Variants in PAN3 observed in about 807,000 individuals in gnomAD.
PAN3 encodes poly(A) specific ribonuclease subunit PAN3.
A neutral mutation model predicts 96.2 loss-of-function variants in PAN3; 19 were observed. That is an observed-to-expected ratio of 0.20 (90% CI 0.14 to 0.29). The LOEUF is 0.29. Ranked by LOEUF, PAN3 falls within the 10% of genes least tolerant of loss-of-function variation. The pLI is 1.00. For missense variants in PAN3, 882 were observed against 1,108.1 expected (o/e 0.80, Z 2.90); for synonymous variants, 433 against 406.6 (o/e 1.06, Z -0.78).
Position 28,281,496 on chromosome 13 carries a change from C to A in PAN3, c.2384+117C>A. 3.2e-6 allele frequency: 3 copies of A among 943,998 alleles called. 1 individual carries two copies. Among genetic ancestry groups the A allele is most frequent in the South Asian group, 3.1e-5 (2 of 64,320 alleles). The allele number at this position is 943,998 out of a possible 1,614,324, so 58.5% of individuals were successfully genotyped here. On this transcript the variant is annotated intron_variant, in intron 17 of 18. Coordinates refer to ENST00000380958, the MANE Select transcript of PAN3 (RefSeq NM_175854.8). ...GAGAAAAATTCTCATGTGAAGTGAC[C>A]TTAAGATTGTGTTAGCTGTTAAGGT...
At chr13:28,264,904 C>T (rs1886031630) in intron 9 of PAN3, among the ~76,000 whole-genome samples, 1 of 152,122 alleles carries the variant, frequency 6.6e-6, no homozygotes, top group South Asian at 2.1e-4. Context: ...AGTGCCATAG[C>T]GAATTGTACT....
chr13:28,169,581 C>T (rs1874036695), intron 1 of PAN3, among the ~76,000 whole-genome samples: 1 of 151,580 alleles, frequency 6.6e-6, no homozygotes. Flanking sequence ...TGTGCCTGTT[C>T]TTGGTAATTA....
At chr13:28,254,908 G>T (rs1385456372) in intron 6 of PAN3, among the ~76,000 whole-genome samples, 2 of 152,088 alleles carry the variant, frequency 1.3e-5, no homozygotes, top group Admixed American at 6.5e-5. Context: ...GGTGTTTATA[G>T]CCTGATTTAC....
intron 17 of PAN3, among the ~76,000 whole-genome samples, chr13:28,281,766 C>CTTTTTTTTTTTTTTTT (rs10707261): frequency 8.7e-6 from 1 of 114,958 alleles, no homozygotes; most frequent in Non-Finnish European, 1.8e-5. Flanking sequence ...TTAAAGCACA[C>CTTTTTTTTTTTTTTTT]TTTTTTTTTT....
chr13:28,221,868 T>A (rs1015581096), intron 6 of PAN3, among the ~76,000 whole-genome samples: 2 of 152,204 alleles, frequency 1.3e-5, no homozygotes, highest in African/African-American at 4.8e-5. Context: ...TTCACATTGT[T>A]TACATGAGCA....
At chr13:28,202,904 C>A (rs1878909154) in intron 5 of PAN3, among the ~76,000 whole-genome samples, 1 of 152,026 alleles carries the variant, frequency 6.6e-6, no homozygotes, top group Non-Finnish European at 1.5e-5. Context: ...ACTTTTGCAC[C>A]AACCCAGTAT....
intron 4 of PAN3, among the ~76,000 whole-genome samples, chr13:28,190,772 C>T (rs574913138): frequency 4.6e-5 from 7 of 152,096 alleles, no homozygotes; most frequent in South Asian, 4.1e-4. Context: ...GAGAATAGCA[C>T]GGGGGAAACC....
At chr13:28,177,717 A>G (rs1875218071) in intron 3 of PAN3, 148 bp from the exon 4 acceptor site, 1 of 649,148 alleles carries the variant, frequency 1.5e-6, no homozygotes, top group African/African-American at 1.8e-5. Flanking sequence ...TTATTTGCTC[A>G]GAAAATATTT....
At chr13:28,253,899 C>A (rs1014883911) in intron 6 of PAN3, among the ~76,000 whole-genome samples, 1 of 152,068 alleles carries the variant, frequency 6.6e-6, no homozygotes, top group Non-Finnish European at 1.5e-5. Flanking sequence ...CTCTTGATAC[C>A]CTATAGTAAA....
intron 4 of PAN3, among the ~76,000 whole-genome samples, chr13:28,189,636 G>C (rs1876969622): frequency 6.6e-6 from 1 of 152,004 alleles, no homozygotes; most frequent in African/African-American, 2.4e-5. Flanking sequence ...TTTTCATTTT[G>C]AGGAGTGACT....
intron 17 of PAN3, among the ~76,000 whole-genome samples, 194 bp downstream of exon 17, chr13:28,281,573 A>T (rs1566258121): frequency 1.3e-5 from 2 of 152,172 alleles, no homozygotes; most frequent in African/African-American, 2.4e-5. Flanking sequence ...TTTTACACAC[A>T]TGTATACACA....
At chr13:28,157,619 AAAAT>A (rs1235746429) in intron 1 of PAN3, among the ~76,000 whole-genome samples, 1 of 152,192 alleles carries the variant, frequency 6.6e-6, no homozygotes, top group East Asian at 1.9e-4. Flanking sequence ...ATAGCCGTGA[AAAAT>A]AAAATACCTA....
intron 12 of PAN3, 124 bp from the exon 13 acceptor site, chr13:28,270,577 A>G (rs1184755618): frequency 2.1e-6 from 2 of 965,298 alleles, no homozygotes; most frequent in Admixed American, 2.7e-5. Context: ...ATACACACAC[A>G]TATATAAATT....
At chr13:28,140,236 G>A (rs193104080) in intron 1 of PAN3, among the ~76,000 whole-genome samples, 1 of 152,276 alleles carries the variant, frequency 6.6e-6, no homozygotes, top group African/African-American at 2.4e-5. Context: ...TTGACCTGAA[G>A]CTTGTTAGTT....
intron 6 of PAN3, among the ~76,000 whole-genome samples, chr13:28,234,445 G>A (rs1882891338): frequency 6.6e-6 from 1 of 152,066 alleles, no homozygotes; most frequent in South Asian, 2.1e-4. Context: ...GATACTATTG[G>A]TGTGCATGTG....
chr13:28,212,758 T>C (rs537769023), intron 5 of PAN3, among the ~76,000 whole-genome samples: 6 of 152,296 alleles, frequency 3.9e-5, no homozygotes, highest in Admixed American at 1.3e-4. Context: ...TTTAGTGAAC[T>C]TGAAGGCATA....
intron 1 of PAN3, among the ~76,000 whole-genome samples, chr13:28,157,617 GAAAAATA>G (rs1872366697): frequency 6.6e-6 from 1 of 151,960 alleles, no homozygotes. Flanking sequence ...CAATAGCCGT[GAAAAATA>G]AAATACCTAG....
At chr13:28,206,498 A>G (rs889812854) in intron 5 of PAN3, among the ~76,000 whole-genome samples, 3 of 151,200 alleles carry the variant, frequency 2.0e-5, no homozygotes, top group Non-Finnish European at 4.4e-5. Flanking sequence ...AATTTTGTAT[A>G]TTTAGTAGAT....
At chr13:28,174,168 G>A (rs1365602463) in intron 1 of PAN3, 104 bp from the exon 2 acceptor site, 1 of 1,218,300 alleles carries the variant, frequency 8.2e-7, no homozygotes, top group Non-Finnish European at 1.1e-6. Context: ...AAAAATAAGT[G>A]TGACAGATTT....
Sources: gnomAD v4.1 joint callset for allele counts (sites outside exome capture counted in the v4.1 genomes callset) on GRCh38, gnomAD v4.1.1 for gene constraint, MANE v1.5 for transcripts, NCBI Gene and HGNC (gene_info 2026-07-23, HGNC 2026-07-21) for gene names.